The following GALNT13 variants were observed in gnomAD, a reference collection of about 807,000 sequenced individuals.
GALNT13 encodes UDP-GalNAc:polypeptide N-acetylgalactosaminyltransferase 13.
A neutral mutation model predicts 64.2 loss-of-function variants in GALNT13; 28 were observed. That is an observed-to-expected ratio of 0.44 (90% CI 0.32 to 0.60). The LOEUF (loss-of-function observed/expected upper bound fraction) is 0.60. Among genes scored for constraint, GALNT13 ranks in the 20% least tolerant of loss-of-function variants. The probability of loss-of-function intolerance (pLI) is 0.05; values close to 1 mark genes in which losing one functional copy is unlikely to be tolerated. For synonymous variants in GALNT13, 214 were observed against 224.6 expected (o/e 0.95, Z 0.42); for missense variants, 577 against 669.8 (o/e 0.86, Z 1.53).
chr2:153,077,421 A>C, the GALNT13 span, among the ~76,000 whole-genome samples: 78 of 152,198 alleles, frequency 5.1e-4, no homozygotes, highest in Non-Finnish European at 9.6e-4. Context: ...AAACTGAAAG[A>C]GATCTAGTGC....
chr2:153,743,044 TGAG>T, the GALNT13 span, among the ~76,000 whole-genome samples: 5 of 32,104 alleles, frequency 1.6e-4, no homozygotes, highest in Non-Finnish European at 2.7e-4. Context: ...GGAGGGGAAA[TGAG>T]GGGGAGGGGA....
the GALNT13 span, among the ~76,000 whole-genome samples, chr2:153,805,572 G>T: frequency 6.6e-6 from 1 of 152,028 alleles, no homozygotes; most frequent in Non-Finnish European, 1.5e-5. Context: ...CTTGTAGAAT[G>T]AATCCTACAT....
chr2:153,110,333 A>G, the GALNT13 span, among the ~76,000 whole-genome samples: 6 of 152,110 alleles, frequency 3.9e-5, no homozygotes, highest in African/African-American at 1.4e-4. Context: ...ATCTATTTTC[A>G]TGAGGATGGA....
At chr2:154,171,911 T>G (rs563558663) in intron 4 of GALNT13, among the ~76,000 whole-genome samples, 1 of 151,988 alleles carries the variant, frequency 6.6e-6, no homozygotes, top group African/African-American at 2.4e-5. Context: ...ATCTCAATTG[T>G]GTTTTGTTCA....
chr2:153,772,444 A>G, the GALNT13 span, among the ~76,000 whole-genome samples: 1 of 152,050 alleles, frequency 6.6e-6, no homozygotes, highest in African/African-American at 2.4e-5. Context: ...CTGCTTCCTC[A>G]TGTACTGGTG....
the GALNT13 span, among the ~76,000 whole-genome samples, chr2:153,544,945 G>C: frequency 1.3e-5 from 2 of 152,178 alleles, no homozygotes. Context: ...AACAGCTTAA[G>C]AGCAAACATT....
At chr2:153,340,967 C>A in the GALNT13 span, among the ~76,000 whole-genome samples, 1 of 152,118 alleles carries the variant, frequency 6.6e-6, no homozygotes, top group Non-Finnish European at 1.5e-5. Context: ...TGGGTTCTAG[C>A]CCAGACCTAC....
the GALNT13 span, among the ~76,000 whole-genome samples, chr2:153,336,881 A>C: frequency 1.3e-5 from 2 of 152,124 alleles, no homozygotes; most frequent in Non-Finnish European, 2.9e-5. Context: ...AGGGGGAGGC[A>C]ATTGAATAAG....
chr2:154,133,622 C>G (rs1391610080), intron 3 of GALNT13, among the ~76,000 whole-genome samples: 2 of 134,380 alleles, frequency 1.5e-5, no homozygotes, highest in African/African-American at 5.7e-5. Flanking sequence ...AACCTCTATT[C>G]TAATTACTTT....
At chr2:153,412,842 G>A in the GALNT13 span, among the ~76,000 whole-genome samples, 3 of 152,182 alleles carry the variant, frequency 2.0e-5, no homozygotes, top group African/African-American at 7.2e-5. Context: ...TTTGCACTCA[G>A]ATGGGTTGGA....
the GALNT13 span, among the ~76,000 whole-genome samples, chr2:153,415,827 T>G: frequency 6.6e-6 from 1 of 152,102 alleles, no homozygotes; most frequent in Non-Finnish European, 1.5e-5. Context: ...TGTTTCTCTG[T>G]CTATTGTCAA....
the GALNT13 span, among the ~76,000 whole-genome samples, chr2:153,070,784 A>G: frequency 6.6e-6 from 1 of 152,140 alleles, no homozygotes; most frequent in Non-Finnish European, 1.5e-5. Context: ...CTCTGTATAT[A>G]TTTATTACGT....
chr2:153,400,402 T>C, the GALNT13 span, among the ~76,000 whole-genome samples: 1 of 152,180 alleles, frequency 6.6e-6, no homozygotes, highest in South Asian at 2.1e-4. Context: ...TTGTTGTGCC[T>C]TTGCCTGGCT....
At chr2:153,162,350 C>T in the GALNT13 span, among the ~76,000 whole-genome samples, 50 of 152,158 alleles carry the variant, frequency 3.3e-4, 1 homozygote, top group South Asian at 9.1e-3. Context: ...AAAATCATAA[C>T]GACATTTTAA....
chr2:153,566,347 C>CGTTTT, the GALNT13 span, among the ~76,000 whole-genome samples: 5,629 of 75,326 alleles, frequency 0.075, 425 homozygotes, highest in African/African-American at 0.16. Context: ...CTTCTAATCA[C>CGTTTT]GTTTTTTTTT....
the GALNT13 span, among the ~76,000 whole-genome samples, chr2:153,865,774 C>G: frequency 0.033 from 739 of 22,212 alleles, 11 homozygotes; most frequent in Middle Eastern, 0.075. Flanking sequence ...GGATCTAGAA[C>G]TAGAAATACC....
the GALNT13 span, among the ~76,000 whole-genome samples, chr2:153,097,822 T>C: frequency 6.6e-6 from 1 of 152,110 alleles, no homozygotes; most frequent in African/African-American, 2.4e-5. Context: ...TGTAAGCCCT[T>C]TGGGAGGCCG....
At chr2:154,242,325 C>A (rs1262635205) in intron 5 of GALNT13, 129 bp downstream of exon 5, 1 of 748,272 alleles carries the variant, frequency 1.3e-6, no homozygotes, top group Non-Finnish European at 2.1e-6. Flanking sequence ...TATAATTTTA[C>A]TAGCCCTGCC....
chr2:153,219,638 C>A, the GALNT13 span, among the ~76,000 whole-genome samples: 1 of 152,180 alleles, frequency 6.6e-6, no homozygotes, highest in Non-Finnish European at 1.5e-5. Context: ...TTATAGTGTA[C>A]AATTTAGTAT....
Sources: gnomAD v4.1 joint callset for allele counts (sites outside exome capture counted in the v4.1 genomes callset) on GRCh38, gnomAD v4.1.1 for gene constraint, MANE v1.5 for transcripts, NCBI Gene and HGNC (gene_info 2026-07-23, HGNC 2026-07-21) for gene names.